DSCAM: variants seen among roughly 807,000 people sequenced by gnomAD.
The protein encoded by DSCAM is DS cell adhesion molecule, also known as cell adhesion molecule DSCAM.
Under a neutral mutation model 217.7 loss-of-function variants are expected in DSCAM, and 47 were observed. That is an observed-to-expected ratio of 0.22 (90% CI 0.17 to 0.28). DSCAM has a LOEUF of 0.28. Among genes scored for constraint, DSCAM ranks in the 10% least tolerant of loss-of-function variants. The pLI is 1.00. For synonymous variants in DSCAM, 1,056 were observed against 1,015.3 expected (o/e 1.04, Z -0.76); for missense variants, 2,080 against 2,618.3 (o/e 0.79, Z 4.49).
At chr21:40,295,651 C>G (rs930564454) in intron 10 of DSCAM, among the ~76,000 whole-genome samples, 1 of 152,216 alleles carries the variant, frequency 6.6e-6, no homozygotes, top group African/African-American at 2.4e-5. Flanking sequence ...CCACTCATCT[C>G]TCTAAATACT....
chr21:40,443,405 G>T (rs905379824), intron 3 of DSCAM, among the ~76,000 whole-genome samples: 1 of 152,132 alleles, frequency 6.6e-6, no homozygotes, highest in Non-Finnish European at 1.5e-5. Flanking sequence ...TAATTAAAGA[G>T]AATGTTCATA....
intron 28 of DSCAM, among the ~76,000 whole-genome samples, chr21:40,057,345 G>A (rs954124969): frequency 4.6e-5 from 7 of 152,180 alleles, no homozygotes; most frequent in African/African-American, 1.7e-4. Flanking sequence ...AATAAAAGGA[G>A]GAGCATTTTG....
At chr21:40,441,962 T>G (rs1205682182) in intron 3 of DSCAM, among the ~76,000 whole-genome samples, 2 of 152,196 alleles carry the variant, frequency 1.3e-5, no homozygotes, top group Admixed American at 6.5e-5. Context: ...TTCTTACTAT[T>G]TGTAAGAAAT....
At position 40,039,596 on chromosome 21, in the gene DSCAM, G is replaced by A. The variant is rs563283503; in HGVS notation, c.5686+2775C>T. 7.9e-5 allele frequency among the ~76,000 whole-genome samples: 12 copies of A among 152,270 alleles called. No homozygotes were observed. In the South Asian group the frequency reaches 8.3e-4, roughly 11 times the overall value. On this transcript the variant is annotated intron_variant, in intron 32 of 32. Coordinates refer to ENST00000400454, the MANE Select transcript of DSCAM (RefSeq NM_001389.5). ...TGTATAGAGAGAGAGTTTTAAGTATGTAGTATTGAGTATTCAATACTATTA... is the reference window on the plus strand; with the variant it reads ...TGTATAGAGAGAGAGTTTTAAGTATATAGTATTGAGTATTCAATACTATTA...
At chr21:40,189,634 T>C (rs1365568420) in intron 11 of DSCAM, among the ~76,000 whole-genome samples, 2 of 152,174 alleles carry the variant, frequency 1.3e-5, no homozygotes, top group South Asian at 2.1e-4. Context: ...AATTGAGTCA[T>C]GGAGGCGGAT....
chr21:40,163,228 A>T (rs1018244385), intron 16 of DSCAM, among the ~76,000 whole-genome samples: 4 of 152,194 alleles, frequency 2.6e-5, no homozygotes, highest in Non-Finnish European at 5.9e-5. Context: ...ACACTTTAGG[A>T]GATAAACTAA....
intron 1 of DSCAM, among the ~76,000 whole-genome samples, chr21:40,806,293 C>T (rs35336179): frequency 0.26 from 40,158 of 152,036 alleles, 6,407 homozygotes; most frequent in South Asian, 0.36. Context: ...TTACTGTCAG[C>T]TCCACCAAGT....
At chr21:40,563,393 CTGAG>C in intron 3 of DSCAM, among the ~76,000 whole-genome samples, 1 of 150,038 alleles carries the variant, frequency 6.7e-6, no homozygotes, top group East Asian at 2.0e-4. Context: ...TGGTGGAACT[CTGAG>C]AACTTCAATC....
chr21:40,285,526 T>C (rs1350918986), intron 10 of DSCAM, among the ~76,000 whole-genome samples: 2 of 152,168 alleles, frequency 1.3e-5, no homozygotes, highest in African/African-American at 2.4e-5. Context: ...AGATGCTGAT[T>C]AGGGTAGCAC....
At chr21:40,309,499 C>G (rs574798467) in intron 9 of DSCAM, among the ~76,000 whole-genome samples, 74 of 151,992 alleles carry the variant, frequency 4.9e-4, no homozygotes, top group Admixed American at 8.5e-4. Context: ...CTGCTGATTC[C>G]TCCTTCTCTT....
rs758950418 is a variant in DSCAM at position 40,189,140 on chromosome 21, C to T, written c.2455G>A (p.Val819Ile). The change falls in exon 12 of 33, where the codon GTC becomes ATC. Residue 819 changes from valine to isoleucine, a missense_variant. This residue lies in a region of DSCAM where 1,144 missense variants were observed against 1,421.1 expected (regional missense o/e 0.81). Transcript: ENST00000400454. ...ATTCGGTCCTCCTTCTCCCAGCGGA[C>T]TATAATGGGCTTCTCACCATGCGCC... The part of the protein sequence containing the change: ...CTAHGEKPII[V>I]RWEKEDRIIN... 18 of 1,614,056 alleles carry T rather than the reference C, an allele frequency of 1.1e-5. No individual in the cohort carries two copies. The South Asian group carries it at 1.4e-4, about 13-fold the overall frequency.
intron 3 of DSCAM, among the ~76,000 whole-genome samples, chr21:40,622,229 T>A (rs1283904452): frequency 6.6e-6 from 1 of 152,080 alleles, no homozygotes; most frequent in African/African-American, 2.4e-5. Context: ...CGTACTTTCC[T>A]GACTTTAAAG....
intron 18 of DSCAM, among the ~76,000 whole-genome samples, chr21:40,139,626 A>T (rs75018081): frequency 0.015 from 2,305 of 151,704 alleles, 26 homozygotes; most frequent in Non-Finnish European, 0.023. Context: ...GGCCAAAAAG[A>T]TATTTTCCTT....
chr21:40,056,961 C>T (rs1260903301), intron 28 of DSCAM, among the ~76,000 whole-genome samples: 1 of 152,236 alleles, frequency 6.6e-6, no homozygotes, highest in Non-Finnish European at 1.5e-5. Flanking sequence ...AGGACTCATC[C>T]ACTCTTAAAC....
chr21:40,514,308 C>A (rs1000628103), intron 3 of DSCAM, among the ~76,000 whole-genome samples: 6 of 152,238 alleles, frequency 3.9e-5, no homozygotes, highest in South Asian at 2.1e-4. Flanking sequence ...GGGAGCCATC[C>A]AATGCTTCAT....
chr21:40,760,198 G>A (rs1370064908), intron 1 of DSCAM, among the ~76,000 whole-genome samples: 1 of 151,700 alleles, frequency 6.6e-6, no homozygotes, highest in Non-Finnish European at 1.5e-5. Flanking sequence ...GTTTTTAGTA[G>A]AGAGAGACGG....
rs569599136 is a variant in DSCAM at position 40,257,413 on chromosome 21, T to C, written c.2356+18684A>G. On this transcript the variant is annotated intron_variant, in intron 11 of 32. Coordinates refer to ENST00000400454, the MANE Select transcript of DSCAM (RefSeq NM_001389.5). The stretch of plus-strand genomic sequence containing the variant: ...TCCCTGAATATTTTTTATTTGAGGA[T>C]GGTTGAATCTATGAGTGTGGAAGCT... Among the ~76,000 whole-genome samples, 3 of 151,802 alleles carry C rather than the reference T, an allele frequency of 2.0e-5. No individual in the cohort carries two copies. The East Asian group carries it at 5.8e-4, about 29-fold the overall frequency.
At chr21:40,135,921 C>T (rs966708042) in intron 18 of DSCAM, among the ~76,000 whole-genome samples, 1 of 152,196 alleles carries the variant, frequency 6.6e-6, no homozygotes, top group Non-Finnish European at 1.5e-5. Flanking sequence ...CTAGGAGTTG[C>T]AAGAAGAGGG....
chr21:40,111,469 T>C (rs146268945), intron 20 of DSCAM, among the ~76,000 whole-genome samples: 23,154 of 151,890 alleles, frequency 0.15, 2,200 homozygotes, highest in African/African-American at 0.27. Flanking sequence ...ACATGCCAAA[T>C]TGTAAAGACT....
Sources: allele counts gnomAD v4.1 joint callset (sites outside exome capture counted in the v4.1 genomes callset), GRCh38; gene constraint gnomAD v4.1.1; regional missense constraint gnomAD v4.1.1; transcripts MANE v1.5; gene names NCBI Gene and HGNC (gene_info 2026-07-23, HGNC 2026-07-21).